The following CFAP210 variants were observed in gnomAD, a reference collection of about 807,000 sequenced individuals.
The protein encoded by CFAP210 is cilia- and flagella- associated protein 210.
the CFAP210 span, among the ~76,000 whole-genome samples, chr2:169,656,547 C>T: frequency 1.3e-5 from 2 of 151,890 alleles, no homozygotes; most frequent in African/African-American, 4.8e-5. Flanking sequence ...ATAGAGTACT[C>T]CCTTTTGACC....
At chr2:169,666,308 C>T in the CFAP210 span, among the ~76,000 whole-genome samples, 1 of 151,638 alleles carries the variant, frequency 6.6e-6, no homozygotes, top group Non-Finnish European at 1.5e-5. Context: ...ACAGACATGG[C>T]TCACTCAAGA....
At chr2:169,654,512 T>C in the CFAP210 span, among the ~76,000 whole-genome samples, 1 of 151,976 alleles carries the variant, frequency 6.6e-6, no homozygotes, top group Non-Finnish European at 1.5e-5. Flanking sequence ...TGAGATGTGA[T>C]TCAAATAATA....
chr2:169,658,213 A>T, the CFAP210 span: 1 of 152,264 alleles, frequency 6.6e-6, no homozygotes. Context: ...AAAAGGTCAA[A>T]ATGTAAAATT....
the CFAP210 span, chr2:169,661,365 C>T: frequency 7.3e-5 from 30 of 409,058 alleles, no homozygotes; most frequent in Admixed American, 9.0e-4. Context: ...TCAGGCACTG[C>T]TTGTAATTCT....
At chr2:169,663,483 G>A in the CFAP210 span, among the ~76,000 whole-genome samples, 1 of 152,122 alleles carries the variant, frequency 6.6e-6, no homozygotes, top group African/African-American at 2.4e-5. Context: ...TTACAGGCAT[G>A]AGCCAATGTA....
chr2:169,688,415 G>A, the CFAP210 span, among the ~76,000 whole-genome samples: 1 of 152,166 alleles, frequency 6.6e-6, no homozygotes, highest in Non-Finnish European at 1.5e-5. Context: ...ATGCTTTGCT[G>A]CTTAGAAATT....
the CFAP210 span, among the ~76,000 whole-genome samples, chr2:169,678,066 C>T: frequency 4.6e-5 from 7 of 152,040 alleles, no homozygotes; most frequent in South Asian, 4.2e-4. Flanking sequence ...TTAGGCTGGG[C>T]GCGGTGGCTC....
chr2:169,685,183 C>A, the CFAP210 span, among the ~76,000 whole-genome samples: 2 of 152,136 alleles, frequency 1.3e-5, no homozygotes, highest in Non-Finnish European at 1.5e-5. Flanking sequence ...GAGAAAGTAC[C>A]AAATTGTTTT....
At chr2:169,672,231 C>G in the CFAP210 span, among the ~76,000 whole-genome samples, 1 of 152,160 alleles carries the variant, frequency 6.6e-6, no homozygotes, top group South Asian at 2.1e-4. Flanking sequence ...TTGTTTCCAA[C>G]TACAGATTTG....
At chr2:169,690,970 A>C in the CFAP210 span, among the ~76,000 whole-genome samples, 3 of 152,116 alleles carry the variant, frequency 2.0e-5, no homozygotes, top group African/African-American at 7.2e-5. Flanking sequence ...TTGGCCATTA[A>C]TTCTTCAAAT....
the CFAP210 span, among the ~76,000 whole-genome samples, chr2:169,670,640 A>G: frequency 6.6e-6 from 1 of 152,176 alleles, no homozygotes; most frequent in African/African-American, 2.4e-5. Context: ...TGGAGAATCC[A>G]CTGTCACATA....
chr2:169,674,154 T>A, the CFAP210 span, among the ~76,000 whole-genome samples: 1 of 152,286 alleles, frequency 6.6e-6, no homozygotes, highest in African/African-American at 2.4e-5. Context: ...TGCATCTCTA[T>A]CAATACCATG....
chr2:169,660,606 T>TATA, the CFAP210 span, among the ~76,000 whole-genome samples: 8 of 55,492 alleles, frequency 1.4e-4, no homozygotes, highest in African/African-American at 3.5e-4. Context: ...ATATATATAT[T>TATA]TTTTTTTTTT....
At chr2:169,645,893 C>T in the CFAP210 span, 1 of 1,613,728 alleles carries the variant, frequency 6.2e-7, no homozygotes, top group South Asian at 1.1e-5. Context: ...ATATTTTGGT[C>T]CCTGAGAGTT....
At chr2:169,668,421 A>G in the CFAP210 span, among the ~76,000 whole-genome samples, 13 of 152,216 alleles carry the variant, frequency 8.5e-5, no homozygotes, top group African/African-American at 2.9e-4. Flanking sequence ...CTAGAGTAGC[A>G]CTTTTAATTT....
chr2:169,666,979 T>C, the CFAP210 span, among the ~76,000 whole-genome samples: 1 of 152,170 alleles, frequency 6.6e-6, no homozygotes, highest in Non-Finnish European at 1.5e-5. Context: ...GCTCCACTTC[T>C]AATTCTAGTT....
At chr2:169,694,401 A>C in the CFAP210 span, 1 of 1,454,418 alleles carries the variant, frequency 6.9e-7, no homozygotes, top group Non-Finnish European at 9.6e-7. Flanking sequence ...TGTTACTCGT[A>C]CCACGCGGTT....
the CFAP210 span, among the ~76,000 whole-genome samples, chr2:169,663,796 T>TAA: frequency 9.0e-5 from 13 of 144,302 alleles, no homozygotes; most frequent in East Asian, 4.1e-4. Context: ...AAAATAATAA[T>TAA]AAAAAAAAAA....
the CFAP210 span, among the ~76,000 whole-genome samples, chr2:169,663,809 C>T: frequency 1.4e-5 from 2 of 147,698 alleles, no homozygotes; most frequent in Admixed American, 6.7e-5. Flanking sequence ...AAAAAAAAAA[C>T]CAAGCTTCCA....
Sources: gnomAD v4.1 joint callset for allele counts (sites outside exome capture counted in the v4.1 genomes callset) on GRCh38, gnomAD v4.1.1 for gene constraint, MANE v1.5 for transcripts, NCBI Gene and HGNC (gene_info 2026-07-23, HGNC 2026-07-21) for gene names.